Variants in CELF2 observed in about 807,000 individuals in gnomAD.
CELF2 encodes the protein CUG triplet repeat RNA-binding protein 2.
A neutral mutation model predicts 62.6 loss-of-function variants in CELF2; 8 were observed. The ratio of observed to expected loss-of-function variants is 0.13; its 90% CI spans 0.07 to 0.23. The LOEUF (loss-of-function observed/expected upper bound fraction) is 0.23. Among genes scored for constraint, CELF2 ranks in the 10% least tolerant of loss-of-function variants. CELF2 has a pLI of 1.00. For missense variants in CELF2, 333 were observed against 671.0 expected (o/e 0.50, Z 5.56); for synonymous variants, 258 against 250.0 (o/e 1.03, Z -0.30).
the CELF2 span, among the ~76,000 whole-genome samples, chr10:10,523,100 A>G: frequency 2.0e-5 from 3 of 152,140 alleles, no homozygotes; most frequent in Non-Finnish European, 4.4e-5. Context: ...AAATGTGTCT[A>G]CCTCTGGAGA....
rs180887879 is a variant in CELF2, at chr10:11,217,514, C to T, written c.354+7C>T. 52 of 1,594,300 alleles carry T rather than the reference C, an allele frequency of 3.3e-5. 1 individual carries two copies. The East Asian group carries it at 4.5e-4, about 14-fold the overall frequency. On this transcript the variant is annotated splice_region_variant and intron_variant, in intron 3 of 12. Coordinates refer to ENST00000633077, the MANE Select transcript of CELF2 (RefSeq NM_001326342.2). The surrounding 1 kb of genome is among the most constrained non-coding windows in gnomAD (Gnocchi z 5.6). ...TATTAAAACTTTACCTGGGGTGAGTCGGTTTACTTTTGTACCAGAATCACT... is the reference window on the plus strand; with the variant it reads ...TATTAAAACTTTACCTGGGGTGAGTTGGTTTACTTTTGTACCAGAATCACT...
the CELF2 span, among the ~76,000 whole-genome samples, chr10:10,637,451 T>A: frequency 1.5e-4 from 23 of 152,188 alleles, no homozygotes; most frequent in Non-Finnish European, 3.1e-4. Flanking sequence ...GCCATTGTAT[T>A]TGAGGTTCTG....
At chr10:10,533,955 A>G in the CELF2 span, among the ~76,000 whole-genome samples, 1 of 152,200 alleles carries the variant, frequency 6.6e-6, no homozygotes, top group Non-Finnish European at 1.5e-5. Context: ...CTCTAAGTAA[A>G]TTCTTGAAAA....
chr10:11,066,427 G>C (rs950099156), intron 1 of CELF2, among the ~76,000 whole-genome samples: 1 of 152,028 alleles, frequency 6.6e-6, no homozygotes, highest in Non-Finnish European at 1.5e-5. Context: ...TTATAGGGGA[G>C]GACCCGGAGA....
At chr10:10,851,557 T>C (rs769867526) in intron 1 of CELF2, among the ~76,000 whole-genome samples, 3 of 152,244 alleles carry the variant, frequency 2.0e-5, no homozygotes, top group Non-Finnish European at 4.4e-5. Flanking sequence ...ATGAAGCTAA[T>C]ACTGTGATCC....
rs1407712532 is a variant in CELF2, at chr10:10,990,247, A to C, written c.89+70248A>C. On this transcript the variant is annotated intron_variant, in intron 2 of 13. Coordinates refer to the CELF2 transcript ENST00000636488. This position sits in a 1 kb window ranked among gnomAD's most constrained non-coding sequence, Gnocchi z 4.6. ...ATCCTTGGAAAATATTTTCAACGTC[A>C]TTATGTGGGAAAAATATATCATGTT... Among the ~76,000 whole-genome samples, 2 of 152,140 alleles carry C rather than the reference A, an allele frequency of 1.3e-5. No individual in the cohort carries two copies. The highest frequency in any genetic ancestry group is 2.9e-5 in the Non-Finnish European group (2 of 67,982).
chr10:10,953,233 C>T (rs372626492), intron 2 of CELF2, among the ~76,000 whole-genome samples: 7 of 152,092 alleles, frequency 4.6e-5, no homozygotes, highest in South Asian at 2.1e-4. Flanking sequence ...AAGAGAATTC[C>T]GTGGCAAGGG....
the CELF2 span, among the ~76,000 whole-genome samples, chr10:10,475,182 T>C: frequency 1.3e-5 from 2 of 152,130 alleles, no homozygotes; most frequent in Admixed American, 6.6e-5. Context: ...GATGTCCAGG[T>C]ACATTACCCT....
rs573929439 is a variant in CELF2, at chr10:10,951,311, A to G, written c.89+31312A>G. 3.8e-4 allele frequency among the ~76,000 whole-genome samples: 58 copies of G among 152,030 alleles called. No homozygotes were observed. The Middle Eastern group carries it at 0.017, about 45-fold the overall frequency. ...GGCATGCACCACCACACCCAGCTAT[A>G]TTTTTGTAGAGACAGGGTTCTTGCC... On this transcript the variant is annotated intron_variant, in intron 2 of 13. Transcript: ENST00000636488.
chr10:11,289,983 C>T (rs889912763), intron 9 of CELF2, among the ~76,000 whole-genome samples: 1 of 152,142 alleles, frequency 6.6e-6, no homozygotes, highest in Non-Finnish European at 1.5e-5. Context: ...CCTGTGAGCA[C>T]TTTGATTACC....
At chr10:11,240,220 C>G (rs909807588) in intron 3 of CELF2, among the ~76,000 whole-genome samples, 1 of 152,214 alleles carries the variant, frequency 6.6e-6, no homozygotes, top group Non-Finnish European at 1.5e-5. Flanking sequence ...AAGCAGTGTT[C>G]AGATAAATAG....
intron 1 of CELF2, chr10:10,846,148 C>T: frequency 1.0e-6 from 1 of 983,144 alleles, no homozygotes; most frequent in Non-Finnish European, 1.2e-6. Context: ...GGGAACCTCG[C>T]TATTCACAGT....
At chr10:10,736,337 T>C in the CELF2 span, among the ~76,000 whole-genome samples, 1 of 151,690 alleles carries the variant, frequency 6.6e-6, no homozygotes. Context: ...TTTGTTTGTT[T>C]TTCTGCTAAA....
chr10:10,716,507 C>A, the CELF2 span, among the ~76,000 whole-genome samples: 1 of 152,194 alleles, frequency 6.6e-6, no homozygotes, highest in Non-Finnish European at 1.5e-5. Flanking sequence ...CACCACTGTA[C>A]TCCAGCGTGG....
chr10:11,281,642 A>G (rs1174883084), intron 8 of CELF2, among the ~76,000 whole-genome samples: 1 of 152,052 alleles, frequency 6.6e-6, no homozygotes, highest in Non-Finnish European at 1.5e-5. Context: ...AGTCCCAGCT[A>G]CTCAGGAGGC....
intron 1 of CELF2, among the ~76,000 whole-genome samples, chr10:10,878,227 A>G (rs979724200): frequency 5.3e-5 from 8 of 152,108 alleles, no homozygotes; most frequent in Non-Finnish European, 1.0e-4. Context: ...TGCTAGAAGG[A>G]AAGATATTGA....
intron 7 of CELF2, among the ~76,000 whole-genome samples, chr10:11,274,189 A>G (rs1342865123): frequency 1.3e-5 from 2 of 152,214 alleles, no homozygotes; most frequent in Non-Finnish European, 2.9e-5. Context: ...CCACACTGCT[A>G]ACTGCATCTG....
At chr10:11,182,291 A>G (rs1001515014) in intron 2 of CELF2, among the ~76,000 whole-genome samples, 1 of 152,214 alleles carries the variant, frequency 6.6e-6, no homozygotes, top group Non-Finnish European at 1.5e-5. Flanking sequence ...CATAGGTCCT[A>G]TCCCTCTCTA....
At chr10:10,564,098 TG>T in the CELF2 span, among the ~76,000 whole-genome samples, 1 of 152,230 alleles carries the variant, frequency 6.6e-6, no homozygotes, top group South Asian at 2.1e-4. Context: ...TCCCATCCTT[TG>T]CTCGCTACCT....
Sources: allele counts gnomAD v4.1 joint callset (sites outside exome capture counted in the v4.1 genomes callset), GRCh38; gene constraint gnomAD v4.1.1; non-coding constraint Gnocchi (gnomAD v3.1); transcripts MANE v1.5; gene names NCBI Gene and HGNC (gene_info 2026-07-23, HGNC 2026-07-21).